Variants in NELFA observed in about 807,000 individuals in gnomAD.
NELFA encodes the protein negative elongation factor complex member A.
A neutral mutation model predicts 51.8 loss-of-function variants in NELFA; 35 were observed. The observed-to-expected ratio is 0.68, with a 90% CI of 0.52 to 0.90. The LOEUF is 0.90. Ranked by LOEUF, NELFA falls within the 40% of genes least tolerant of loss-of-function variation. The pLI is 0.00. For synonymous variants in NELFA, 417 were observed against 338.4 expected (o/e 1.23, Z -2.55); for missense variants, 658 against 746.4 (o/e 0.88, Z 1.38).
chr4:1,995,647 G>A (rs752330241), intron 1 of NELFA, among the ~76,000 whole-genome samples: 7 of 152,054 alleles, frequency 4.6e-5, no homozygotes, highest in Non-Finnish European at 8.8e-5. Flanking sequence ...AATAAAGCTG[G>A]TACATTTATA....
intron 1 of NELFA, among the ~76,000 whole-genome samples, chr4:2,006,251 A>T (rs1728706911): frequency 6.6e-6 from 1 of 152,218 alleles, no homozygotes; most frequent in Admixed American, 6.5e-5. Flanking sequence ...TGGGTGCTGG[A>T]CTAATTGCAC....
At chr4:2,008,174 C>A in intron 1 of NELFA, 2 of 386,132 alleles carry the variant, frequency 5.2e-6, no homozygotes, top group Non-Finnish European at 1.0e-5. Context: ...GGGCTGCGTC[C>A]CCGACGGGAA....
At chr4:1,986,447 A>G in intron 4 of NELFA, 45 bp from the exon 5 acceptor site, 1 of 1,599,070 alleles carries the variant, frequency 6.3e-7, no homozygotes, top group Admixed American at 1.7e-5. Context: ...GTGACCGGCA[A>G]ACGTCCCCCA....
At chr4:1,999,409 C>T (rs959789954) in intron 1 of NELFA, among the ~76,000 whole-genome samples, 6 of 151,784 alleles carry the variant, frequency 4.0e-5, no homozygotes, top group South Asian at 2.1e-4. Flanking sequence ...TCATCTTACA[C>T]GCAAAGACAC....
In NELFA at chr4:1,987,961, G is replaced by C; in HGVS notation, c.591C>G (p.Phe197Leu). 1.2e-6 allele frequency: 2 copies of C among 1,611,408 alleles called. No individual in the cohort carries two copies. Among genetic ancestry groups the C allele is most frequent in the South Asian group, 1.1e-5 (1 of 90,408 alleles). ...QQLKRSAGVP[F>L]HAKGRGLLRK... Reference sequence around the variant, plus strand: ...GCAGCAGCCCCCGGCCCTTGGCGTGGAAGGGCACCCCGGCGCTCCGCTTCA... The same window carrying C: ...GCAGCAGCCCCCGGCCCTTGGCGTGCAAGGGCACCCCGGCGCTCCGCTTCA... The change falls in exon 4 of 11, where the codon TTC becomes TTG. Residue 197 changes from phenylalanine to leucine, a missense_variant. Physicochemically the swap from Phe to Leu is conservative, Grantham distance 22 (BLOSUM62 0). Transcript: ENST00000382882.
chr4:2,005,694 A>AAAAC (rs541078213), intron 1 of NELFA, among the ~76,000 whole-genome samples: 54 of 152,224 alleles, frequency 3.5e-4, no homozygotes, highest in African/African-American at 7.7e-4. Flanking sequence ...CTCCGTCTAA[A>AAAAC]AAACAAACAA....
At chr4:2,002,957 T>C (rs1197720325) in intron 1 of NELFA, among the ~76,000 whole-genome samples, 2 of 152,130 alleles carry the variant, frequency 1.3e-5, no homozygotes, top group African/African-American at 4.8e-5. Context: ...ACCTACAGAA[T>C]GGGAGAAAAT....
intron 1 of NELFA, among the ~76,000 whole-genome samples, chr4:2,004,924 G>C (rs1728670631): frequency 6.7e-6 from 1 of 150,312 alleles, no homozygotes; most frequent in Non-Finnish European, 1.5e-5. Context: ...TTCTGCTTCA[G>C]CCTCCCTAGT....
At chr4:1,993,789 CT>C (rs1386322749) in intron 1 of NELFA, among the ~76,000 whole-genome samples, 2 of 145,466 alleles carry the variant, frequency 1.4e-5, no homozygotes, top group African/African-American at 5.2e-5. Context: ...ACGAGCTCCC[CT>C]GGGCCTTTTT....
intron 7 of NELFA, 85 bp from the exon 8 acceptor site, chr4:1,985,004 G>T: frequency 1.0e-6 from 1 of 988,966 alleles, no homozygotes. Context: ...GAGCTCCACT[G>T]CCACAGGCTG....
intron 5 of NELFA, 29 bp downstream of exon 5, chr4:1,986,243 G>A (rs1338159220): frequency 6.4e-7 from 1 of 1,568,904 alleles, no homozygotes; most frequent in Non-Finnish European, 8.6e-7. Flanking sequence ...GGGCCCCGGG[G>A]TGCCACAGGA....
rs1491413513 is a variant in NELFA, at chr4:2,008,962, TG to T, written c.-4del. 6.4e-7 allele frequency: 1 copy of T among 1,555,474 alleles called. No homozygotes were observed. Among genetic ancestry groups the T allele is most frequent in the Non-Finnish European group, 8.7e-7 (1 of 1,149,264 alleles). On this transcript the variant is annotated 5_prime_UTR_variant, in exon 1 of 11. Transcript: ENST00000382882. ...TCGCTCTCCCGCATGGACGCCATCT[TG>T]GGGGAAAGCGCGCGCCGCTGCCCCG...
In NELFA at chr4:1,983,595, C is replaced by T. The variant is rs1228092418; in HGVS notation, c.1402+1G>A. The T allele has an allele frequency of 6.2e-7, 1 of 1,613,824 alleles. No homozygotes were observed. Among genetic ancestry groups the T allele is most frequent in the Non-Finnish European group, 8.5e-7 (1 of 1,179,962 alleles). On this transcript the variant is annotated splice_donor_variant, in intron 10 of 10. Transcript: ENST00000382882. LOFTEE classifies it high-confidence loss of function. The stretch of plus-strand genomic sequence containing the variant: ...CCCCAGGCCCTGCCTTATGAACATA[C>T]CTCGGGAGCCGGCCATGAAGCCCAG...
At position 1,987,943 on chromosome 4, in the gene NELFA, C is replaced by T. The variant is rs201304787; in HGVS notation, c.609G>A (p.Gly203=). 4 of 1,609,334 alleles carry T rather than the reference C, an allele frequency of 2.5e-6. No homozygotes were observed. The highest frequency in any genetic ancestry group is 2.2e-5 in the East Asian group (1 of 44,756). The change falls in exon 4 of 11, where the codon GGG becomes GGA. Residue 203 remains glycine (G), a synonymous_variant. Coordinates refer to ENST00000382882, the MANE Select transcript of NELFA (RefSeq NM_005663.5). ...AGVPFHAKGR[G]LLRKMDTTTP... ...TGGTGGTGTCCATCTTCCGCAGCAG[C>T]CCCCGGCCCTTGGCGTGGAAGGGCA...
Position 1,992,011 on chromosome 4 carries a change from C to G in NELFA, c.211-296G>C, listed in dbSNP as rs373344898. ...CTGGGCCTACTCTTCCACCGGTGCG[C>G]AGATGCAAGAAAACCTGAAGGGTGA... On this transcript the variant is annotated intron_variant, in intron 1 of 10. Coordinates refer to ENST00000382882, the MANE Select transcript of NELFA (RefSeq NM_005663.5). The G allele has an allele frequency of 6.0e-4, 195 of 325,188 alleles. 1 individual carries two copies. The highest frequency in any genetic ancestry group is 4.1e-3 in the African/African-American group (188 of 45,852). The allele number at this position is 325,188 out of a possible 1,614,324, so 20.1% of individuals were successfully genotyped here.
In NELFA at chr4:1,983,239, G is replaced by A. The variant is rs759091074; in HGVS notation, c.*80C>T. On this transcript the variant is annotated 3_prime_UTR_variant, in exon 11 of 11. Transcript: ENST00000382882. The stretch of plus-strand genomic sequence containing the variant: ...GGGGGACCTCGGGGGCCAGGTGTCC[G>A]CCATCCGGTTACTTTAAGCTGGCAA... The A allele has an allele frequency of 1.9e-5, 28 of 1,458,480 alleles. No individual in the cohort carries two copies. The highest frequency in any genetic ancestry group is 2.7e-5 in the South Asian group (2 of 74,834). 90.3% of individuals were successfully genotyped at this position (1,458,480 alleles called of 1,614,324 possible). A position where few individuals can be genotyped will look rare whatever the true frequency, so the allele number is the denominator to read the frequency against.
At chr4:2,004,562 G>A (rs532580470) in intron 1 of NELFA, among the ~76,000 whole-genome samples, 12 of 151,586 alleles carry the variant, frequency 7.9e-5, no homozygotes, top group African/African-American at 2.7e-4. Flanking sequence ...ATCATGGCTC[G>A]CCGCATCCTC....
intron 2 of NELFA, among the ~76,000 whole-genome samples, chr4:1,990,928 G>C (rs555127277): frequency 6.6e-6 from 1 of 152,176 alleles, no homozygotes; most frequent in Non-Finnish European, 1.5e-5. Context: ...AGCCTCCCAA[G>C]TACCTGGGAG....
At chr4:1,988,984 T>C (rs1164889158) in intron 3 of NELFA, among the ~76,000 whole-genome samples, 1 of 151,804 alleles carries the variant, frequency 6.6e-6, no homozygotes, top group Non-Finnish European at 1.5e-5. Flanking sequence ...TCGCTCTTGT[T>C]GCCCAGGCTG....
Sources: gnomAD v4.1 joint callset for allele counts (sites outside exome capture counted in the v4.1 genomes callset) on GRCh38, gnomAD v4.1.1 for gene constraint, MANE v1.5 for transcripts, NCBI Gene and HGNC (gene_info 2026-07-23, HGNC 2026-07-21) for gene names.